CHCHD3: variants seen among roughly 807,000 people sequenced by gnomAD.
CHCHD3 encodes the protein MICOS complex subunit MIC19.
CHCHD3 carries 20 observed loss-of-function variants against 38.2 expected under a neutral mutation model. The observed-to-expected ratio is 0.52, with a 90% confidence interval of 0.37 to 0.76. The LOEUF is 0.76. CHCHD3 is among the 30% of genes least tolerant of loss of function. CHCHD3 has a pLI of 0.00. For missense variants in CHCHD3, 245 were observed against 279.2 expected (o/e 0.88, Z 0.87); for synonymous variants, 82 against 100.0 (o/e 0.82, Z 1.07).
At chr7:133,057,398 CA>C (rs997847310) in intron 2 of CHCHD3, among the ~76,000 whole-genome samples, 4 of 151,506 alleles carry the variant, frequency 2.6e-5, no homozygotes, top group Non-Finnish European at 4.4e-5. Context: ...CCTGTCTCTA[CA>C]AAAAAAATTA....
At chr7:132,883,595 G>GTTTTC (rs1487088625) in intron 5 of CHCHD3, among the ~76,000 whole-genome samples, 2 of 152,104 alleles carry the variant, frequency 1.3e-5, no homozygotes, top group Admixed American at 1.3e-4. Context: ...AAAACTATAT[G>GTTTTC]AGCTTCATAC....
At chr7:132,873,819 C>T (rs1168155537) in intron 5 of CHCHD3, among the ~76,000 whole-genome samples, 1 of 152,116 alleles carries the variant, frequency 6.6e-6, no homozygotes, top group Non-Finnish European at 1.5e-5. Context: ...TGGATAAGAA[C>T]ATCACTTAGA....
chr7:133,075,417 C>T (rs1027101866), intron 1 of CHCHD3, among the ~76,000 whole-genome samples: 1 of 152,218 alleles, frequency 6.6e-6, no homozygotes, highest in Non-Finnish European at 1.5e-5. Context: ...CCATGGCCAT[C>T]TACTGTTGCA....
chr7:132,979,888 C>A (rs1326770714), intron 3 of CHCHD3, among the ~76,000 whole-genome samples: 3 of 152,180 alleles, frequency 2.0e-5, no homozygotes, highest in Non-Finnish European at 4.4e-5. Flanking sequence ...TATTGCATGG[C>A]AATTATTTTC....
intron 3 of CHCHD3, among the ~76,000 whole-genome samples, chr7:132,988,991 C>T (rs1230736760): frequency 1.3e-5 from 2 of 152,094 alleles, no homozygotes; most frequent in African/African-American, 4.8e-5. Flanking sequence ...TACAGTATAA[C>T]AACTATTTAC....
chr7:133,032,589 T>A (rs983485006), intron 2 of CHCHD3, among the ~76,000 whole-genome samples: 1 of 152,194 alleles, frequency 6.6e-6, no homozygotes, highest in Non-Finnish European at 1.5e-5. Context: ...CCATAGAAAC[T>A]AGCTCCATGT....
intron 2 of CHCHD3, among the ~76,000 whole-genome samples, chr7:133,034,138 C>A (rs1413689200): frequency 6.6e-6 from 1 of 152,148 alleles, no homozygotes; most frequent in Non-Finnish European, 1.5e-5. Context: ...CACAGGATAG[C>A]GCTTGACCAT....
intron 3 of CHCHD3, among the ~76,000 whole-genome samples, chr7:132,981,703 T>C (rs1288800145): frequency 6.6e-6 from 1 of 152,224 alleles, no homozygotes; most frequent in African/African-American, 2.4e-5. Context: ...AGTAATTCTA[T>C]ACAATTCTAG....
At chr7:132,917,727 C>A in intron 4 of CHCHD3, among the ~76,000 whole-genome samples, 1 of 151,712 alleles carries the variant, frequency 6.6e-6, no homozygotes, top group Non-Finnish European at 1.5e-5. Flanking sequence ...GGTGTGTTGG[C>A]GGGCGCCTGT....
At chr7:133,003,014 T>C (rs1224736509) in intron 3 of CHCHD3, among the ~76,000 whole-genome samples, 2 of 152,196 alleles carry the variant, frequency 1.3e-5, no homozygotes, top group Admixed American at 1.3e-4. Flanking sequence ...TTGCAGTATG[T>C]ATACATGCCT....
rs542697017 is a variant in CHCHD3 at position 132,959,532 on chromosome 7, G to A, written c.369+15637C>T. ...GAGGTCAGGAGTTCAAGACCAGCCC[G>A]GCCAACATGGTGAAACTCTGTCTCC... On this transcript the variant is annotated intron_variant, in intron 4 of 7. Coordinates refer to ENST00000262570, the MANE Select transcript of CHCHD3 (RefSeq NM_017812.4). Among the ~76,000 whole-genome samples the A allele has an allele frequency of 6.3e-4, 96 of 152,094 alleles. 1 individual carries two copies. The highest frequency in any genetic ancestry group is 4.2e-4 in the South Asian group (2 of 4,798).
intron 2 of CHCHD3, among the ~76,000 whole-genome samples, chr7:133,061,041 C>T (rs1814493013): frequency 6.6e-6 from 1 of 152,144 alleles, no homozygotes; most frequent in African/African-American, 2.4e-5. Context: ...AGTATTTGGG[C>T]TCAATCCCAT....
intron 3 of CHCHD3, among the ~76,000 whole-genome samples, chr7:132,990,301 AC>A (rs1386370215): frequency 6.6e-6 from 1 of 152,160 alleles, no homozygotes; most frequent in Non-Finnish European, 1.5e-5. Context: ...AGCATCCTTC[AC>A]TGGAATGGGC....
chr7:132,866,112 A>G (rs1585585590), intron 5 of CHCHD3, among the ~76,000 whole-genome samples: 1 of 152,124 alleles, frequency 6.6e-6, no homozygotes, highest in East Asian at 1.9e-4. Flanking sequence ...CTTTCACCCA[A>G]TTCATATTAA....
intron 6 of CHCHD3, among the ~76,000 whole-genome samples, chr7:132,820,622 T>G (rs933487078): frequency 1.3e-4 from 19 of 150,408 alleles, no homozygotes; most frequent in South Asian, 4.2e-4. Flanking sequence ...TTTTTTTTTT[T>G]TTTTTTTTTT....
intron 3 of CHCHD3, among the ~76,000 whole-genome samples, chr7:133,023,857 T>C (rs952259307): frequency 1.5e-4 from 23 of 152,296 alleles, no homozygotes; most frequent in African/African-American, 4.8e-4. Context: ...GTACCATAAT[T>C]AATTCAGCCA....
At position 132,818,309 on chromosome 7, in the gene CHCHD3, G is replaced by A. The variant is rs771892258; in HGVS notation, c.524+20090C>T. 2.0e-5 allele frequency among the ~76,000 whole-genome samples: 3 copies of A among 152,130 alleles called. 1 individual carries two copies. The highest frequency in any genetic ancestry group is 4.1e-4 in the South Asian group (2 of 4,824). On this transcript the variant is annotated intron_variant, in intron 6 of 7. Transcript: ENST00000262570. ...ACGTGGCAAGACTGCTCCACATTAC[G>A]GTGGGGCTGCCACTAATGCAAGCAA...
chr7:132,954,438 A>T (rs954863329), intron 4 of CHCHD3, among the ~76,000 whole-genome samples: 3 of 152,154 alleles, frequency 2.0e-5, no homozygotes, highest in Admixed American at 1.3e-4. Context: ...ATGTGGAAGA[A>T]GCTGTCAGGG....
intron 3 of CHCHD3, among the ~76,000 whole-genome samples, chr7:132,986,165 T>C (rs7785255): frequency 0.018 from 2,678 of 149,644 alleles, 95 homozygotes; most frequent in African/African-American, 0.062. Context: ...GGATTAAGGG[T>C]GGTGCAAGAT....
Sources: gnomAD v4.1 joint callset for allele counts (sites outside exome capture counted in the v4.1 genomes callset) on GRCh38, gnomAD v4.1.1 for gene constraint, MANE v1.5 for transcripts, NCBI Gene and HGNC (gene_info 2026-07-23, HGNC 2026-07-21) for gene names.